The following NKAIN2 variants were observed in gnomAD, a reference collection of about 807,000 sequenced individuals.
The protein encoded by NKAIN2 is sodium/potassium-transporting ATPase subunit beta-1-interacting protein 2.
Under a neutral mutation model 32.6 loss-of-function variants are expected in NKAIN2, and 14 were observed. The ratio of observed to expected loss-of-function variants is 0.43; its 90% CI spans 0.28 to 0.67. The LOEUF (loss-of-function observed/expected upper bound fraction) is 0.67, where lower values mean the gene tolerates loss of function less well. Ranked by LOEUF, NKAIN2 falls within the 30% of genes least tolerant of loss-of-function variation. The pLI, the probability that NKAIN2 is intolerant of heterozygous loss-of-function variation, is 0.17. For synonymous variants in NKAIN2, 80 were observed against 87.2 expected (o/e 0.92, Z 0.46); for missense variants, 198 against 258.3 (o/e 0.77, Z 1.60).
intron 1 of NKAIN2, among the ~76,000 whole-genome samples, chr6:123,849,454 A>G (rs1775224693): frequency 1.3e-5 from 2 of 152,312 alleles, no homozygotes; most frequent in African/African-American, 4.8e-5. Flanking sequence ...CTCTGCAGAT[A>G]GTCTGAGGCT....
chr6:124,156,686 G>C (rs1788002658), intron 1 of NKAIN2, among the ~76,000 whole-genome samples: 1 of 152,038 alleles, frequency 6.6e-6, no homozygotes, highest in Non-Finnish European at 1.5e-5. Context: ...CTCTAATCAA[G>C]AAAGTGAAAA....
intron 3 of NKAIN2, among the ~76,000 whole-genome samples, chr6:124,610,853 A>G (rs1342256211): frequency 6.6e-6 from 1 of 152,166 alleles, no homozygotes; most frequent in Non-Finnish European, 1.5e-5. Context: ...AAAGAAATGT[A>G]CTTGACCACC....
intron 3 of NKAIN2, among the ~76,000 whole-genome samples, chr6:124,404,967 T>C (rs1294889720): frequency 6.6e-6 from 1 of 152,164 alleles, no homozygotes; most frequent in Non-Finnish European, 1.5e-5. Flanking sequence ...TTGACTCTTA[T>C]ACCTCAGTAC....
At chr6:124,706,078 G>A (rs770819251) in intron 4 of NKAIN2, among the ~76,000 whole-genome samples, 2 of 152,078 alleles carry the variant, frequency 1.3e-5, no homozygotes, top group East Asian at 1.9e-4. Context: ...TCTCTGGAGC[G>A]TTAAGTTCCC....
intron 3 of NKAIN2, among the ~76,000 whole-genome samples, chr6:124,464,386 A>T (rs1455874206): frequency 6.0e-5 from 9 of 150,030 alleles, no homozygotes; most frequent in Non-Finnish European, 1.2e-4. Flanking sequence ...CATTATTGCC[A>T]TTTTTTTTAC....
intron 1 of NKAIN2, among the ~76,000 whole-genome samples, chr6:123,890,230 C>A (rs1162419627): frequency 1.3e-5 from 2 of 151,846 alleles, no homozygotes; most frequent in East Asian, 1.9e-4. Context: ...GATTTTCCCC[C>A]CTTTCTTCCC....
intron 2 of NKAIN2, among the ~76,000 whole-genome samples, chr6:124,315,425 T>A (rs898333589): frequency 1.3e-5 from 2 of 150,570 alleles, no homozygotes; most frequent in African/African-American, 4.9e-5. Context: ...GCAATTTTTT[T>A]AGGATAGTGG....
At chr6:123,914,922 C>T (rs968765265) in intron 1 of NKAIN2, among the ~76,000 whole-genome samples, 2 of 152,142 alleles carry the variant, frequency 1.3e-5, no homozygotes, top group African/African-American at 4.8e-5. Flanking sequence ...AGTTTTAAAT[C>T]AGCCTGCCTC....
chr6:124,359,336 G>A (rs1052149300), intron 3 of NKAIN2, among the ~76,000 whole-genome samples: 1 of 152,098 alleles, frequency 6.6e-6, no homozygotes, highest in African/African-American at 2.4e-5. Context: ...GATGGGGATG[G>A]CATTGAATCT....
chr6:124,476,397 CTG>C (rs56691516), intron 3 of NKAIN2, among the ~76,000 whole-genome samples: 4,274 of 137,816 alleles, frequency 0.031, 69 homozygotes, highest in East Asian at 0.065. Flanking sequence ...ATGTATGTGA[CTG>C]TGTGTGTGTG....
At chr6:124,322,210 T>C (rs1374351808) in intron 2 of NKAIN2, among the ~76,000 whole-genome samples, 3 of 152,200 alleles carry the variant, frequency 2.0e-5, no homozygotes, top group African/African-American at 4.8e-5. Flanking sequence ...TATAGAGCAT[T>C]ACACTTGAAG....
intron 1 of NKAIN2, among the ~76,000 whole-genome samples, chr6:123,896,745 T>C (rs978543633): frequency 2.0e-5 from 3 of 152,168 alleles, no homozygotes; most frequent in Non-Finnish European, 4.4e-5. Context: ...GCTCCCTCAT[T>C]TTCTTCTCCT....
chr6:124,347,661 C>T (rs1798498417), intron 2 of NKAIN2, among the ~76,000 whole-genome samples: 2 of 152,310 alleles, frequency 1.3e-5, no homozygotes, highest in African/African-American at 2.4e-5. Context: ...TCACGTAGTT[C>T]TCGAGCCTTG....
In NKAIN2 at chr6:124,234,829, TA is replaced by T. The variant is rs1792661107; in HGVS notation, c.55-48173del. Among the ~76,000 whole-genome samples the T allele has an allele frequency of 3.3e-5, 5 of 152,310 alleles. No homozygotes were observed. The South Asian group carries it at 1.0e-3, about 32-fold the overall frequency. On this transcript the variant is annotated intron_variant, in intron 1 of 6. Coordinates refer to ENST00000368417, the MANE Select transcript of NKAIN2 (RefSeq NM_001040214.3). Reference sequence around the variant, plus strand: ...AAAGTTGTATCGATACTTTGTTGATTAAATGAATAGTGCGAAGTTTTCCTCC... The same window carrying T: ...AAAGTTGTATCGATACTTTGTTGATTAATGAATAGTGCGAAGTTTTCCTCC...
intron 3 of NKAIN2, among the ~76,000 whole-genome samples, chr6:124,523,177 T>A (rs1779187838): frequency 6.6e-6 from 1 of 151,580 alleles, no homozygotes; most frequent in South Asian, 2.1e-4. Context: ...TTTAACTGAA[T>A]TTTTTTTCTA....
chr6:124,359,379 C>T (rs1234758087), intron 3 of NKAIN2, among the ~76,000 whole-genome samples: 20 of 152,108 alleles, frequency 1.3e-4, no homozygotes, highest in Admixed American at 6.6e-4. Flanking sequence ...GCCATTTTCA[C>T]GATATTGATT....
intron 3 of NKAIN2, among the ~76,000 whole-genome samples, chr6:124,523,003 C>T (rs1005497473): frequency 2.1e-5 from 3 of 140,734 alleles, no homozygotes; most frequent in East Asian, 2.2e-4. Context: ...ATTAGCCGGG[C>T]GTAGTGGCGG....
intron 1 of NKAIN2, among the ~76,000 whole-genome samples, chr6:124,019,110 T>C (rs984430922): frequency 6.6e-6 from 1 of 152,096 alleles, no homozygotes; most frequent in South Asian, 2.1e-4. Flanking sequence ...ATGACACTTA[T>C]TCACTATCAT....
chr6:124,730,782 A>C (rs959238153), intron 4 of NKAIN2, among the ~76,000 whole-genome samples: 2 of 151,988 alleles, frequency 1.3e-5, no homozygotes, highest in African/African-American at 2.4e-5. Flanking sequence ...CAACCTACAC[A>C]ATGGGAGAAA....
Sources: gnomAD v4.1 joint callset for allele counts (sites outside exome capture counted in the v4.1 genomes callset) on GRCh38, gnomAD v4.1.1 for gene constraint, MANE v1.5 for transcripts, NCBI Gene and HGNC (gene_info 2026-07-23, HGNC 2026-07-21) for gene names.